Variants in ZSCAN29 observed in about 807,000 individuals in gnomAD.
ZSCAN29 encodes zinc finger and SCAN domain containing 29.
Under a neutral mutation model 71.9 loss-of-function variants are expected in ZSCAN29, and 55 were observed. The observed-to-expected ratio is 0.76, with a 90% CI of 0.62 to 0.96. The LOEUF is 0.96. ZSCAN29 is among the 40% of genes least tolerant of loss of function. ZSCAN29 has a pLI of 0.00. For missense variants in ZSCAN29, 1,042 were observed against 1,042.2 expected (o/e 1.00, Z 0.00); for synonymous variants, 351 against 371.6 (o/e 0.94, Z 0.64).
rs749825808 is a variant in ZSCAN29, at chr15:43,361,373, C to T, written c.2259G>A (p.Gln753=). Residue 753 remains glutamine, a synonymous_variant, in exon 6 of 6, where the codon CAG becomes CAA. Coordinates refer to ENST00000684362, the MANE Select transcript of ZSCAN29 (RefSeq NM_001372080.1). The part of the protein sequence containing the change: ...FNQSSSLIIH[Q]RTHTGEKPYQ... The stretch of plus-strand genomic sequence containing the variant: ...AGGGCTTTTCTCCTGTGTGGGTTCT[C>T]TGGTGAATGATAAGGCTTGAGCTCT... 1.2e-5 allele frequency: 20 copies of T among 1,614,028 alleles called. No homozygotes were observed. Among genetic ancestry groups the T allele is most frequent in the African/African-American group, 2.7e-5 (2 of 74,900 alleles).
At chr15:43,362,768 T>G (rs1264867004) in intron 5 of ZSCAN29, among the ~76,000 whole-genome samples, 1 of 152,202 alleles carries the variant, frequency 6.6e-6, no homozygotes, top group African/African-American at 2.4e-5. Context: ...ACAGGGGTAT[T>G]TACCATCTTC....
Position 43,361,387 on chromosome 15 carries a change from G to T in ZSCAN29, c.2245C>A (p.Leu749Ile). The T allele has an allele frequency of 6.2e-7, 1 of 1,614,112 alleles. No individual in the cohort carries two copies. The highest frequency in any genetic ancestry group is 8.5e-7 in the Non-Finnish European group (1 of 1,180,018). Residue 749 changes from leucine (L) to isoleucine (I), a missense_variant, in exon 6 of 6, where the codon CTT becomes ATT. By Grantham distance (5) the Leu-to-Ile change is conservative. Transcript: ENST00000684362. The stretch of plus-strand genomic sequence containing the variant: ...GTGTGGGTTCTCTGGTGAATGATAA[G>T]GCTTGAGCTCTGATTGAAGCATTTC... Reference protein sequence around the residue: ...CGKCFNQSSSLIIHQRTHTGE... With the variant: ...CGKCFNQSSSIIIHQRTHTGE...
rs754376278 is a variant in ZSCAN29, at chr15:43,366,140, C to T, written c.1192G>A (p.Ala398Thr). 6.2e-7 allele frequency: 1 copy of T among 1,613,264 alleles called. No homozygotes were observed. Among genetic ancestry groups the T allele is most frequent in the South Asian group, 1.1e-5 (1 of 91,014 alleles). The change falls in exon 4 of 6, where the codon GCT becomes ACT. Residue 398 changes from alanine to threonine, a missense_variant. Coordinates refer to ENST00000684362, the MANE Select transcript of ZSCAN29 (RefSeq NM_001372080.1). ...LEATPQDPNSAAPVVFRSPGG... is the reference protein window; with the variant it reads ...LEATPQDPNSTAPVVFRSPGG... ...GGGCTTCTGAACACAACAGGTGCAG[C>T]TGAGTTGGGGTCCTGGGGGGTCGCC...
rs2044085796 is a variant in ZSCAN29 at position 43,370,009 on chromosome 15, G to C, written c.-96C>G. Reference sequence around the variant, plus strand: ...CTTGGAGAATCCCCTGCAGATGACTGTAAGAGGTGTTTCTTCCTAGGGCAG... The same window carrying C: ...CTTGGAGAATCCCCTGCAGATGACTCTAAGAGGTGTTTCTTCCTAGGGCAG... On this transcript the variant is annotated 5_prime_UTR_variant, in exon 2 of 6. It introduces an in-frame stop codon into an upstream open reading frame of the 5' UTR. Coordinates refer to ENST00000684362, the MANE Select transcript of ZSCAN29 (RefSeq NM_001372080.1). The C allele has an allele frequency of 4.0e-6, 5 of 1,253,448 alleles. No individual in the cohort carries two copies. Among genetic ancestry groups the C allele is most frequent in the Admixed American group, 4.7e-5 (2 of 42,814 alleles). The allele number at this position is 1,253,448 out of a possible 1,614,324, so 77.6% of individuals were successfully genotyped here.
chr15:43,364,456 T>C (rs796649461), intron 4 of ZSCAN29, 74 bp from the exon 5 acceptor site: 1 of 1,348,342 alleles, frequency 7.4e-7, no homozygotes, highest in Non-Finnish European at 1.1e-6. Flanking sequence ...TCCTATCATC[T>C]GCATCATGAG....
rs750557726 is a variant in ZSCAN29 at position 43,366,668 on chromosome 15, G to T, written c.664C>A (p.Pro222Thr). Residue 222 changes from proline to threonine, a missense_variant, in exon 4 of 6, where the codon CCA becomes ACA. Coordinates refer to ENST00000684362, the MANE Select transcript of ZSCAN29 (RefSeq NM_001372080.1). ...GDRRVHADLLPSKKDRRSWVE... is the reference protein window; with the variant it reads ...GDRRVHADLLTSKKDRRSWVE... ...CAGCTTCTTCTATCTTTCTTGGATG[G>T]TAACAGATCAGCATGCACTCGTCTG... 1.2e-6 allele frequency: 2 copies of T among 1,614,218 alleles called. No individual in the cohort carries two copies. The highest frequency in any genetic ancestry group is 1.1e-5 in the South Asian group (1 of 91,086).
Position 43,359,914 on chromosome 15 carries a change from A to G in ZSCAN29, c.*1159T>C, listed in dbSNP as rs1351283515. On this transcript the variant is annotated 3_prime_UTR_variant, in exon 6 of 6. Transcript: ENST00000684362. ...AAGAACACCTGTTCTTGACAAGATG[A>G]TTCATAGGGCAGAACCAAGATGGAC... The G allele has an allele frequency of 6.6e-6, 1 of 152,242 alleles. No individual in the cohort carries two copies. Among genetic ancestry groups the G allele is most frequent in the Non-Finnish European group, 1.5e-5 (1 of 68,044 alleles). The allele number at this position is 152,242 out of a possible 1,614,324, so 9.4% of individuals were successfully genotyped here.
chr15:43,366,421 C>A lies in ZSCAN29; in HGVS notation c.911G>T (p.Gly304Val). ...GACTTTCCGATAGCTCTTCTGGAGA[C>A]CTTTGAACTTGGTCCGACACTGTTC... ...TLEQCRTKFK[G>V]LQKSYRKVKS... Residue 304 changes from glycine (G) to valine (V), a missense_variant, in exon 4 of 6, where the codon GGT becomes GTT. By Grantham distance (109) the Gly-to-Val change is moderately radical. Coordinates refer to ENST00000684362, the MANE Select transcript of ZSCAN29 (RefSeq NM_001372080.1). 2 of 1,614,198 alleles carry A rather than the reference C, an allele frequency of 1.2e-6. No individual in the cohort carries two copies. The highest frequency in any genetic ancestry group is 1.7e-6 in the Non-Finnish European group (2 of 1,180,026).
rs866743360 is a variant in ZSCAN29 at position 43,361,176 on chromosome 15, C to T, written c.2456G>A (p.Gly819Glu). The T allele has an allele frequency of 7.4e-6, 12 of 1,614,162 alleles. No individual in the cohort carries two copies. The highest frequency in any genetic ancestry group is 1.0e-5 in the Non-Finnish European group (12 of 1,180,022). ...HRTHTGEKPY[G>E]CHDCGKCFSK... is the part of the protein sequence containing the mutation. Reference sequence around the variant, plus strand: ...GAAGCACTTACCACAGTCATGACACCCATAGGGTTTCTCTCCTGTGTGGGT... The same window carrying T: ...GAAGCACTTACCACAGTCATGACACTCATAGGGTTTCTCTCCTGTGTGGGT... Residue 819 changes from glycine (G) to glutamate (E), a missense_variant, in exon 6 of 6, where the codon GGG becomes GAG. Coordinates refer to ENST00000684362, the MANE Select transcript of ZSCAN29 (RefSeq NM_001372080.1).
rs980034777 is a variant in ZSCAN29, at chr15:43,359,747, A to G, written c.*1326T>C. 1.3e-5 allele frequency: 2 copies of G among 152,266 alleles called. No individual in the cohort carries two copies. The highest frequency in any genetic ancestry group is 4.8e-5 in the African/African-American group (2 of 41,466). 9.4% of individuals were successfully genotyped at this position (152,266 alleles called of 1,614,324 possible). ...TTCTGGACCACAAGAGACAGACGAA[A>G]TTCAGATGAGACTGGACAGAAAGAA... is the stretch of plus-strand genomic sequence containing the variant. On this transcript the variant is annotated 3_prime_UTR_variant, in exon 6 of 6. Coordinates refer to ENST00000684362, the MANE Select transcript of ZSCAN29 (RefSeq NM_001372080.1).
rs1347508519 is a variant in ZSCAN29, at chr15:43,359,844, A to G, written c.*1229T>C. ...TCTAGGACTCAGAAGAAACTAAGAA[A>G]TCCAGGGTTCACACTTCAGTATAAG... is the stretch of plus-strand genomic sequence containing the variant. On this transcript the variant is annotated 3_prime_UTR_variant, in exon 6 of 6. Coordinates refer to ENST00000684362, the MANE Select transcript of ZSCAN29 (RefSeq NM_001372080.1). 6.6e-6 allele frequency: 1 copy of G among 152,216 alleles called. No homozygotes were observed. The highest frequency in any genetic ancestry group is 1.5e-5 in the Non-Finnish European group (1 of 68,042). 9.4% of individuals were successfully genotyped at this position (152,216 alleles called of 1,614,324 possible).
rs745910711 is a variant in ZSCAN29 at position 43,369,098 on chromosome 15, C to T, written c.348G>A (p.Val116=). The stretch of plus-strand genomic sequence containing the variant: ...TCGGGGGTGTCATCTTCTCCAAGCG[C>T]ACTTCCTGCCCCTTCACAGAGACTG... ...SVTVSVKGQE[V]RLEKMTPPKS... is the part of the protein sequence containing the mutation. Residue 116 remains valine (V), a synonymous_variant, in exon 3 of 6, where the codon GTG becomes GTA. Transcript: ENST00000684362. 2.5e-6 allele frequency: 4 copies of T among 1,591,328 alleles called. No homozygotes were observed. In the Admixed American group the frequency reaches 6.9e-5, roughly 27 times the overall value.
In ZSCAN29 at chr15:43,361,236, A is replaced by C; in HGVS notation, c.2396T>G (p.Phe799Cys). 6.2e-7 allele frequency: 1 copy of C among 1,614,128 alleles called. No homozygotes were observed. Among genetic ancestry groups the C allele is most frequent in the Non-Finnish European group, 8.5e-7 (1 of 1,180,020 alleles). ...PHVCPDCGKS[F>C]SKSSDLRAHH... ...TGCACGTAAGTCAGAACTCTTACTG[A>C]AACTCTTTCCACAGTCAGGACACAC... The change falls in exon 6 of 6, where the codon TTC (phenylalanine) becomes TGC (cysteine). Residue 799 changes from phenylalanine (F) to cysteine (C), a missense_variant. By Grantham distance (205) the Phe-to-Cys change is radical (BLOSUM62 -2). Coordinates refer to ENST00000684362, the MANE Select transcript of ZSCAN29 (RefSeq NM_001372080.1).
rs1329617391 is a variant in ZSCAN29 at position 43,358,815 on chromosome 15, G to A, written c.*2258C>T. The A allele has an allele frequency of 6.6e-6, 1 of 152,174 alleles. No individual in the cohort carries two copies. Among genetic ancestry groups the A allele is most frequent in the Non-Finnish European group, 1.5e-5 (1 of 68,028 alleles). The allele number at this position is 152,174 out of a possible 1,614,324, so 9.4% of individuals were successfully genotyped here. A position where few individuals can be genotyped will look rare whatever the true frequency, so the allele number is the denominator to read the frequency against. ...GCAGTCAGCTGTTTCCTTATCAATA[G>A]TTATAGCGTAGTACCTGATTTACTA... On this transcript the variant is annotated 3_prime_UTR_variant, in exon 6 of 6. Coordinates refer to ENST00000684362, the MANE Select transcript of ZSCAN29 (RefSeq NM_001372080.1).
intron 5 of ZSCAN29, among the ~76,000 whole-genome samples, chr15:43,362,638 T>C (rs1178620696): frequency 6.6e-6 from 1 of 152,192 alleles, no homozygotes; most frequent in Non-Finnish European, 1.5e-5. Context: ...CCCATGTTTG[T>C]ACCTCCTGAG....
chr15:43,364,074 A>C lies in ZSCAN29; in HGVS notation c.1531T>G (p.Ser511Ala). The C allele has an allele frequency of 6.2e-7, 1 of 1,614,146 alleles. No homozygotes were observed. Among genetic ancestry groups the C allele is most frequent in the Non-Finnish European group, 8.5e-7 (1 of 1,180,020 alleles). ...PPNDGQEETA[S>A]CPVQGTSEAE... ...TCACTGGTCCCCTGGACGGGGCAAG[A>C]AGCAGTCTCTTCCTGGCCATCATTG... Residue 511 changes from serine (S) to alanine (A), a missense_variant, in exon 5 of 6, where the codon TCT becomes GCT. By Grantham distance (99) the Ser-to-Ala change is moderately conservative. Transcript: ENST00000684362.
intron 5 of ZSCAN29, among the ~76,000 whole-genome samples, chr15:43,363,014 G>A (rs189011744): frequency 8.9e-5 from 13 of 145,854 alleles, no homozygotes; most frequent in Non-Finnish European, 1.2e-4. Flanking sequence ...TTTTTCATTC[G>A]TTGCCCAGGC....
rs2043980326 is a variant in ZSCAN29 at position 43,361,512 on chromosome 15, T to G, written c.2120A>C (p.Lys707Thr). 1 of 1,614,032 alleles carries G rather than the reference T, an allele frequency of 6.2e-7. No individual in the cohort carries two copies. Among genetic ancestry groups the G allele is most frequent in the Non-Finnish European group, 8.5e-7 (1 of 1,180,024 alleles). The change falls in exon 6 of 6, where the codon AAA becomes ACA. Residue 707 changes from lysine to threonine, a missense_variant. Coordinates refer to ENST00000684362, the MANE Select transcript of ZSCAN29 (RefSeq NM_001372080.1). Reference protein sequence around the residue: ...RRIHTGEKPYKCLDCGKSFRD... With the variant: ...RRIHTGEKPYTCLDCGKSFRD... ...GAAACTTTTTCCACAGTCAAGACAT[T>G]TATAAGGTTTCTCTCCAGTGTGGAT...
At chr15:43,369,517 C>G in intron 2 of ZSCAN29, 79 bp downstream of exon 2, 1 of 1,474,984 alleles carries the variant, frequency 6.8e-7, no homozygotes, top group Non-Finnish European at 9.2e-7. Flanking sequence ...CTGTGTCCCT[C>G]TTTAAGCCTG....
Sources: gnomAD v4.1 joint callset for allele counts (sites outside exome capture counted in the v4.1 genomes callset) on GRCh38, gnomAD v4.1.1 for gene constraint, MANE v1.5 for transcripts, NCBI Gene and HGNC (gene_info 2026-07-23, HGNC 2026-07-21) for gene names.